The following ERC2 variants were observed in gnomAD, a reference collection of about 807,000 sequenced individuals.
The protein encoded by ERC2 is ERC protein 2.
A neutral mutation model predicts 114.8 loss-of-function variants in ERC2; 42 were observed. That is an observed-to-expected ratio of 0.37 (90% CI 0.29 to 0.47). The LOEUF (loss-of-function observed/expected upper bound fraction) is 0.47. ERC2 is among the 20% of genes least tolerant of loss of function. The pLI, the probability that ERC2 is intolerant of heterozygous loss-of-function variation, is 0.99. For missense variants in ERC2, 939 were observed against 1,150.7 expected, an observed-to-expected ratio of 0.82 and a Z score of 2.66; for synonymous variants, 454 against 425.5, an observed-to-expected ratio of 1.07 and a Z score of -0.82.
At chr3:55,829,779 C>A (rs2060490924) in intron 14 of ERC2, among the ~76,000 whole-genome samples, 1 of 152,180 alleles carries the variant, frequency 6.6e-6, no homozygotes, top group Admixed American at 6.5e-5. Context: ...CCTGCCTCAG[C>A]CTCCCAAAGT....
At chr3:55,645,396 G>A (rs908604106) in intron 17 of ERC2, among the ~76,000 whole-genome samples, 2 of 152,150 alleles carry the variant, frequency 1.3e-5, no homozygotes, top group African/African-American at 4.8e-5. Flanking sequence ...CCTGTCATAA[G>A]CCTCTAACAT....
Position 55,817,082 on chromosome 3 carries a change from T to C in ERC2, c.2564+71307A>G, listed in dbSNP as rs899295740. On this transcript the variant is annotated intron_variant, in intron 14 of 17. Coordinates refer to ENST00000288221, the MANE Select transcript of ERC2 (RefSeq NM_015576.3). Reference sequence around the variant, plus strand: ...GGCTTGTAGGACAGGAGGGGGTTTCTACCCGTCTCCAATAATGTGGGTTAT... The same window carrying C: ...GGCTTGTAGGACAGGAGGGGGTTTCCACCCGTCTCCAATAATGTGGGTTAT... 8.5e-5 allele frequency among the ~76,000 whole-genome samples: 13 copies of C among 152,322 alleles called. 2 individuals carry two copies. The South Asian group carries it at 2.1e-3, about 24-fold the overall frequency.
chr3:55,656,167 T>G (rs2060856274), intron 17 of ERC2, among the ~76,000 whole-genome samples: 1 of 152,106 alleles, frequency 6.6e-6, no homozygotes, highest in East Asian at 1.9e-4. Flanking sequence ...GAAGAAAAAG[T>G]CTCACTCTGT....
Position 56,173,460 on chromosome 3 carries a change from C to T in ERC2, c.1135G>A (p.Val379Ile), listed in dbSNP as rs1266021466. 2.5e-6 allele frequency: 4 copies of T among 1,613,826 alleles called. No homozygotes were observed. Among genetic ancestry groups the T allele is most frequent in the Non-Finnish European group, 3.4e-6 (4 of 1,179,842 alleles). ...EPAKTKALQT[V>I]IEMKDTKIAS... Reference sequence around the variant, plus strand: ...ACAGTTCCTACCTTCATTTCGATGACAGTCTGGAGAGCCTTCGTCTTGGCT... The same window carrying T: ...ACAGTTCCTACCTTCATTTCGATGATAGTCTGGAGAGCCTTCGTCTTGGCT... Residue 379 changes from valine to isoleucine, a missense_variant, in exon 4 of 18, where the codon GTC becomes ATC. Val to Ile is a conservative substitution (Grantham distance 29). This residue lies in a region of ERC2 where 148 missense variants were observed against 159.1 expected (regional missense o/e 0.93). Transcript: ENST00000288221.
At chr3:55,644,381 T>C (rs554004120) in intron 17 of ERC2, among the ~76,000 whole-genome samples, 1 of 152,316 alleles carries the variant, frequency 6.6e-6, no homozygotes, top group South Asian at 2.1e-4. Flanking sequence ...TGTGGCATGG[T>C]ATATGGACAT....
At chr3:55,514,167 T>A (rs1200943904) in intron 17 of ERC2, among the ~76,000 whole-genome samples, 1 of 152,052 alleles carries the variant, frequency 6.6e-6, no homozygotes, top group Non-Finnish European at 1.5e-5. Context: ...GAGGCTGAGG[T>A]GGGTGGATAT....
chr3:56,435,770 A>G (rs941350541), intron 1 of ERC2, among the ~76,000 whole-genome samples: 1 of 152,242 alleles, frequency 6.6e-6, no homozygotes, highest in Non-Finnish European at 1.5e-5. Flanking sequence ...CCTACTGGCT[A>G]TCCTGGAGAT....
intron 3 of ERC2, among the ~76,000 whole-genome samples, chr3:56,174,562 T>C (rs192089768): frequency 4.6e-5 from 7 of 152,332 alleles, no homozygotes; most frequent in African/African-American, 1.7e-4. Context: ...CACAAACATT[T>C]ACTTTTTTTA....
intron 17 of ERC2, among the ~76,000 whole-genome samples, chr3:55,640,201 G>T (rs2060120927): frequency 6.6e-6 from 1 of 152,176 alleles, no homozygotes; most frequent in African/African-American, 2.4e-5. Flanking sequence ...TGGACTTCCT[G>T]CTTCCTTGAT....
chr3:56,364,724 T>C (rs1352742605), intron 2 of ERC2, among the ~76,000 whole-genome samples: 1 of 152,200 alleles, frequency 6.6e-6, no homozygotes, highest in African/African-American at 2.4e-5. Flanking sequence ...ATTTTTAAAA[T>C]GTTAAAACTT....
At chr3:56,419,822 T>C (rs1464249220) in intron 2 of ERC2, among the ~76,000 whole-genome samples, 1 of 152,222 alleles carries the variant, frequency 6.6e-6, no homozygotes, top group Non-Finnish European at 1.5e-5. Flanking sequence ...CACACCTTTC[T>C]AGGGAAAATT....
intron 17 of ERC2, among the ~76,000 whole-genome samples, chr3:55,596,126 G>A (rs1324261464): frequency 6.6e-6 from 1 of 152,032 alleles, no homozygotes; most frequent in Admixed American, 6.6e-5. Flanking sequence ...GGGGAAAATA[G>A]AAATAAAGAA....
chr3:56,437,914 A>T (rs2062099864), intron 1 of ERC2, among the ~76,000 whole-genome samples: 1 of 152,234 alleles, frequency 6.6e-6, no homozygotes, highest in Admixed American at 6.5e-5. Flanking sequence ...CACTGTTGTA[A>T]AACACACAAA....
chr3:56,088,728 A>G (rs1367873314), intron 6 of ERC2, among the ~76,000 whole-genome samples: 1 of 152,208 alleles, frequency 6.6e-6, no homozygotes, highest in African/African-American at 2.4e-5. Flanking sequence ...TTCAAATGTC[A>G]TGAACATTTC....
intron 13 of ERC2, among the ~76,000 whole-genome samples, chr3:55,921,918 A>G (rs2316115): frequency 5.6e-4 from 86 of 152,214 alleles, no homozygotes; most frequent in African/African-American, 2.0e-3. Flanking sequence ...AGCTTTGTTA[A>G]ATGATATCAG....
chr3:55,609,241 A>T (rs558558541), intron 17 of ERC2, among the ~76,000 whole-genome samples: 3 of 152,098 alleles, frequency 2.0e-5, no homozygotes, highest in Non-Finnish European at 4.4e-5. Context: ...ATTTGCCCCC[A>T]CTTTTATTTA....
intron 14 of ERC2, among the ~76,000 whole-genome samples, chr3:55,744,095 T>C (rs1032152528): frequency 1.3e-5 from 2 of 152,168 alleles, no homozygotes; most frequent in African/African-American, 4.8e-5. Flanking sequence ...AGCCCAGTCT[T>C]CATTTGCATA....
chr3:55,717,126 G>T (rs1269182750), intron 15 of ERC2, among the ~76,000 whole-genome samples: 3 of 152,200 alleles, frequency 2.0e-5, no homozygotes, highest in African/African-American at 7.2e-5. Context: ...AACTGCTGCT[G>T]CAGGTAATCT....
At chr3:56,208,704 C>T (rs1015167538) in intron 3 of ERC2, among the ~76,000 whole-genome samples, 3 of 152,204 alleles carry the variant, frequency 2.0e-5, no homozygotes, top group Non-Finnish European at 2.9e-5. Context: ...TGACAAAAGA[C>T]ATTTTGGTGC....
Sources: gnomAD v4.1 joint callset for allele counts (sites outside exome capture counted in the v4.1 genomes callset) on GRCh38, gnomAD v4.1.1 for gene constraint, gnomAD v4.1.1 regional missense constraint, MANE v1.5 for transcripts, NCBI Gene and HGNC (gene_info 2026-07-23, HGNC 2026-07-21) for gene names.